The following RPA3 variants were observed in gnomAD, a reference collection of about 807,000 sequenced individuals.
The protein encoded by RPA3 is replication protein A3.
RPA3 carries 24 observed loss-of-function variants against 13.7 expected under a neutral mutation model. The ratio of observed to expected loss-of-function variants is 1.75; its 90% CI spans 1.27 to 2.46. The LOEUF is 2.46. RPA3 is among the 30% of genes most tolerant of loss of function. The pLI is 0.00. For synonymous variants in RPA3, 59 were observed against 51.2 expected (o/e 1.15, Z -0.65); for missense variants, 183 against 151.0 (o/e 1.21, Z -1.11).
At chr7:7,695,573 C>A (rs1780293403) in intron 2 of RPA3, among the ~76,000 whole-genome samples, 2 of 152,234 alleles carry the variant, frequency 1.3e-5, no homozygotes, top group South Asian at 4.1e-4. Flanking sequence ...TTTTCATGTT[C>A]TTTGGCACTA....
At chr7:7,671,219 C>G (rs1779598083) in intron 4 of RPA3, among the ~76,000 whole-genome samples, 1 of 152,146 alleles carries the variant, frequency 6.6e-6, no homozygotes, top group Non-Finnish European at 1.5e-5. Context: ...GTGTCAATAG[C>G]CAGACCTAAA....
At chr7:7,706,940 A>G (rs1485626798) in intron 2 of RPA3, among the ~76,000 whole-genome samples, 4 of 152,204 alleles carry the variant, frequency 2.6e-5, no homozygotes, top group Non-Finnish European at 5.9e-5. Context: ...GGGAGATGAC[A>G]GCAAATCTTT....
At chr7:7,702,842 C>A (rs1034286649) in intron 2 of RPA3, among the ~76,000 whole-genome samples, 1 of 152,106 alleles carries the variant, frequency 6.6e-6, no homozygotes, top group African/African-American at 2.4e-5. Context: ...TGCTTAGAGA[C>A]AAGTCAACCA....
chr7:7,703,324 A>G (rs1389295535), intron 2 of RPA3, among the ~76,000 whole-genome samples: 7 of 152,206 alleles, frequency 4.6e-5, no homozygotes, highest in African/African-American at 1.7e-4. Context: ...TGCAGTTTAA[A>G]TTGATCTTTT....
At chr7:7,684,578 T>C (rs949121939) in intron 4 of RPA3, among the ~76,000 whole-genome samples, 1 of 152,186 alleles carries the variant, frequency 6.6e-6, no homozygotes, top group African/African-American at 2.4e-5. Flanking sequence ...GAGGAACTCA[T>C]GGATACGGAG....
intron 2 of RPA3, among the ~76,000 whole-genome samples, chr7:7,688,274 C>A (rs1328150679): frequency 2.0e-5 from 3 of 152,048 alleles, no homozygotes; most frequent in Non-Finnish European, 4.4e-5. Context: ...ATATTTTTAT[C>A]TTAATGGTAA....
At chr7:7,658,081 G>T (rs1330238863) in intron 4 of RPA3, among the ~76,000 whole-genome samples, 7 of 152,318 alleles carry the variant, frequency 4.6e-5, no homozygotes, top group Non-Finnish European at 7.4e-5. Context: ...AATTGTGAAT[G>T]GGAGTTCACT....
chr7:7,644,734 C>A (rs563930019), intron 4 of RPA3, among the ~76,000 whole-genome samples: 1 of 152,248 alleles, frequency 6.6e-6, no homozygotes, highest in South Asian at 2.1e-4. Context: ...TACCTATTTT[C>A]TTTAATAGTG....
chr7:7,711,444 T>G (rs1780760923), intron 2 of RPA3, among the ~76,000 whole-genome samples: 1 of 152,196 alleles, frequency 6.6e-6, no homozygotes, highest in Non-Finnish European at 1.5e-5. Context: ...ATTCTATCCT[T>G]TTCATATTAT....
chr7:7,710,586 A>G (rs1427591498), intron 2 of RPA3, among the ~76,000 whole-genome samples: 1 of 152,202 alleles, frequency 6.6e-6, no homozygotes, highest in African/African-American at 2.4e-5. Context: ...GAGAATCTGG[A>G]TCACTTATTG....
At chr7:7,655,018 T>C (rs1785308499) in intron 4 of RPA3, among the ~76,000 whole-genome samples, 2 of 152,224 alleles carry the variant, frequency 1.3e-5, no homozygotes, top group South Asian at 4.1e-4. Flanking sequence ...GCCCACTCTA[T>C]TCTAGAAAAT....
chr7:7,646,715 TG>T (rs1230536979), intron 4 of RPA3, among the ~76,000 whole-genome samples: 2 of 151,968 alleles, frequency 1.3e-5, no homozygotes, highest in Non-Finnish European at 2.9e-5. Flanking sequence ...GATCTTCCCT[TG>T]GAGTTCGGCT....
intron 4 of RPA3, among the ~76,000 whole-genome samples, chr7:7,660,085 G>C (rs898294853): frequency 6.6e-6 from 1 of 152,120 alleles, no homozygotes; most frequent in African/African-American, 2.4e-5. Context: ...GATCTTTGTT[G>C]GTTTAAAGTC....
chr7:7,642,262 G>C (rs1231647573), intron 4 of RPA3, among the ~76,000 whole-genome samples: 1 of 128,320 alleles, frequency 7.8e-6, no homozygotes, highest in Admixed American at 7.5e-5. Flanking sequence ...AGCCTGCCAA[G>C]TAGCTGGGAC....
intron 4 of RPA3, among the ~76,000 whole-genome samples, chr7:7,677,664 G>GTTTTTTTTT (rs141602455): frequency 4.4e-5 from 5 of 113,498 alleles, no homozygotes; most frequent in African/African-American, 7.1e-5. Context: ...CTGTTTTTTT[G>GTTTTTTTTT]TTTTTTTTTT....
intron 4 of RPA3, among the ~76,000 whole-genome samples, chr7:7,676,574 T>G (rs1287890065): frequency 1.3e-5 from 2 of 152,220 alleles, no homozygotes; most frequent in Non-Finnish European, 2.9e-5. Context: ...TCTCTACAAT[T>G]GAAAAGAGAA....
At chr7:7,654,870 C>T (rs1286677099) in intron 4 of RPA3, among the ~76,000 whole-genome samples, 1 of 150,680 alleles carries the variant, frequency 6.6e-6, no homozygotes, top group African/African-American at 2.4e-5. Context: ...GCCCCTGTAA[C>T]CCAGCCTGAG....
intron 4 of RPA3, among the ~76,000 whole-genome samples, chr7:7,654,197 C>T (rs1214282936): frequency 6.6e-6 from 1 of 152,308 alleles, no homozygotes; most frequent in Admixed American, 6.5e-5. Context: ...CCAAAACCTT[C>T]CCTGACTATT....
intron 4 of RPA3, among the ~76,000 whole-genome samples, chr7:7,649,362 C>A (rs1426596026): frequency 6.6e-6 from 1 of 151,974 alleles, no homozygotes; most frequent in Non-Finnish European, 1.5e-5. Flanking sequence ...AAACTACTCC[C>A]CCAATAACTT....
Sources: allele counts gnomAD v4.1 joint callset (sites outside exome capture counted in the v4.1 genomes callset), GRCh38; gene constraint gnomAD v4.1.1; transcripts MANE v1.5; gene names NCBI Gene and HGNC (gene_info 2026-07-23, HGNC 2026-07-21).